ZNF18: variants seen among roughly 807,000 people sequenced by gnomAD.
The protein encoded by ZNF18 is heart development-specific gene 1 protein.
A neutral mutation model predicts 58.1 loss-of-function variants in ZNF18; 42 were observed. That is an observed-to-expected ratio of 0.72 (90% CI 0.56 to 0.93). The LOEUF is 0.93. Among genes scored for constraint, ZNF18 ranks in the 40% least tolerant of loss-of-function variants. ZNF18 has a pLI of 0.00. For missense variants in ZNF18, 540 were observed against 644.2 expected, an observed-to-expected ratio of 0.84 and a Z score of 1.75; for synonymous variants, 231 against 239.8, an observed-to-expected ratio of 0.96 and a Z score of 0.34.
chr17:12,019,772 A>C, the ZNF18 span, among the ~76,000 whole-genome samples: 1 of 152,220 alleles, frequency 6.6e-6, no homozygotes, highest in Non-Finnish European at 1.5e-5. Context: ...CTCAGCATCA[A>C]ATAACATCTG....
In ZNF18 at chr17:11,978,431, C is replaced by T. The variant is rs377135156; in HGVS notation, c.1176G>A (p.Glu392=). The change falls in exon 7 of 7, where the codon GAG becomes GAA. Residue 392 remains glutamate (E), a synonymous_variant. Coordinates refer to ENST00000580306, the MANE Select transcript of ZNF18 (RefSeq NM_001303281.2). Reference sequence around the variant, plus strand: ...CTCTTGGCTGCCCCTTCTGGGAGGTCTCTCTCTTCTCCTCAAGCCACATGG... The same window carrying T: ...CTCTTGGCTGCCCCTTCTGGGAGGTTTCTCTCTTCTCCTCAAGCCACATGG... The part of the protein sequence containing the change: ...MSTMWLEEKR[E]TSQKGQPRAP... 29 of 1,551,886 alleles carry T rather than the reference C, an allele frequency of 1.9e-5. No individual in the cohort carries two copies. In the African/African-American group the frequency reaches 3.4e-4, roughly 18 times the overall value.
In ZNF18 at chr17:11,992,631, AAC is replaced by A. The variant is rs751648990; in HGVS notation, c.197_198del (p.Cys66PhefsTer93). The A allele has an allele frequency of 5.0e-6, 8 of 1,614,254 alleles. No individual in the cohort carries two copies. The South Asian group carries it at 8.8e-5, about 18-fold the overall frequency. On this transcript the variant is annotated frameshift_variant, in exon 2 of 7. Transcript: ENST00000580306. LOFTEE classifies it high-confidence loss of function. ...TGAACCTCTGGCTGTAGCCACTGGAAACAGAGCTTCCGAAGTTGCTTCAAGGT... is the reference window on the plus strand; with the variant it reads ...TGAACCTCTGGCTGTAGCCACTGGAAAGAGCTTCCGAAGTTGCTTCAAGGT... ...HETLKQLRKL[C>X]FQWLQPEVHT... is the part of the protein sequence containing the mutation.
chr17:11,986,574 T>A (rs940693776), intron 4 of ZNF18, among the ~76,000 whole-genome samples: 6 of 152,252 alleles, frequency 3.9e-5, no homozygotes, highest in Non-Finnish European at 7.3e-5. Context: ...TTAATTTAAA[T>A]TTTTTAATTT....
At chr17:12,007,987 A>G in the ZNF18 span, among the ~76,000 whole-genome samples, 3 of 152,154 alleles carry the variant, frequency 2.0e-5, no homozygotes, top group Admixed American at 6.5e-5. Flanking sequence ...AGAGAACGGA[A>G]AGAAAATAAA....
rs1967078040 is a variant in ZNF18 at position 11,977,653 on chromosome 17, A to G, written c.*304T>C. ...CAGCTAATCCCATTAAATGCTTCCC[A>G]GAAAGCACTTCTAAAACTGGATCTC... On this transcript the variant is annotated 3_prime_UTR_variant, in exon 7 of 7. Coordinates refer to ENST00000580306, the MANE Select transcript of ZNF18 (RefSeq NM_001303281.2). 3.6e-6 allele frequency: 1 copy of G among 276,832 alleles called. No individual in the cohort carries two copies. The highest frequency in any genetic ancestry group is 6.8e-6 in the Non-Finnish European group (1 of 147,718). The allele number at this position is 276,832 out of a possible 1,614,324, so 17.1% of individuals were successfully genotyped here. A position where few individuals can be genotyped will look rare whatever the true frequency, so the allele number is the denominator to read the frequency against.
At chr17:12,008,079 G>A in the ZNF18 span, among the ~76,000 whole-genome samples, 1 of 152,208 alleles carries the variant, frequency 6.6e-6, no homozygotes, top group African/African-American at 2.4e-5. Flanking sequence ...GAGATACGAA[G>A]AAGCAGCAGC....
chr17:12,010,736 C>G, the ZNF18 span: 4 of 264,186 alleles, frequency 1.5e-5, no homozygotes, highest in African/African-American at 9.0e-5. Context: ...TTTTTAAACA[C>G]TTACTATGCC....
At chr17:11,983,473 T>G (rs1339462860) in intron 5 of ZNF18, 66 bp from the exon 6 acceptor site, 3 of 1,291,662 alleles carry the variant, frequency 2.3e-6, no homozygotes, top group Non-Finnish European at 3.4e-6. Flanking sequence ...AAGCTGTGTC[T>G]TTCAAAGGAG....
chr17:12,019,642 T>C, the ZNF18 span, among the ~76,000 whole-genome samples: 2 of 152,138 alleles, frequency 1.3e-5, no homozygotes, highest in Non-Finnish European at 1.5e-5. Flanking sequence ...CTCCACTTGA[T>C]GTTTACGGCT....
chr17:11,983,492 G>A (rs764807727), intron 5 of ZNF18, 85 bp from the exon 6 acceptor site: 21 of 1,022,028 alleles, frequency 2.1e-5, no homozygotes, highest in Admixed American at 1.3e-4. Context: ...AGCACCCTAC[G>A]CATGAGGGAA....
chr17:11,978,569 A>G lies in ZNF18; in HGVS notation c.1038T>C (p.Ala346=). The G allele has an allele frequency of 6.2e-7, 1 of 1,613,504 alleles. No homozygotes were observed. Reference sequence around the variant, plus strand: ...TTCCCTCATCCTGAATGTTTTGCAGAGCCTCAGGGAGATTCTCTCCTTCTC... The same window carrying G: ...TTCCCTCATCCTGAATGTTTTGCAGGGCCTCAGGGAGATTCTCTCCTTCTC... ...CFGEGENLPE[A]LQNIQDEGTG... is the part of the protein sequence containing the mutation. The change falls in exon 7 of 7, where the codon GCT becomes GCC. Residue 346 remains alanine (A), a synonymous_variant. Coordinates refer to ENST00000580306, the MANE Select transcript of ZNF18 (RefSeq NM_001303281.2).
the ZNF18 span, among the ~76,000 whole-genome samples, chr17:12,019,717 G>A: frequency 3.2e-4 from 49 of 152,266 alleles, no homozygotes; most frequent in African/African-American, 1.1e-3. Context: ...AAGAAGGCAG[G>A]GCTATTTTGA....
At chr17:12,014,133 A>G in the ZNF18 span, among the ~76,000 whole-genome samples, 1 of 152,260 alleles carries the variant, frequency 6.6e-6, no homozygotes, top group African/African-American at 2.4e-5. Context: ...GAAAAGCCAG[A>G]TAATAACAAG....
At chr17:11,989,103 G>A (rs992471567) in intron 4 of ZNF18, among the ~76,000 whole-genome samples, 1 of 151,378 alleles carries the variant, frequency 6.6e-6, no homozygotes, top group South Asian at 2.1e-4. Flanking sequence ...AGGTTGTAGT[G>A]AGCTGAGATC....
Position 11,992,459 on chromosome 17 carries a change from TG to T in ZNF18, c.370del (p.Gln124ArgfsTer12), listed in dbSNP as rs1312522260. The T allele has an allele frequency of 6.2e-7, 1 of 1,614,040 alleles. No homozygotes were observed. Among genetic ancestry groups the T allele is most frequent in the Non-Finnish European group, 8.5e-7 (1 of 1,179,932 alleles). ...TLVESLKGDP[Q>X]RLWQWISIQV... is the part of the protein sequence containing the mutation. ...TCTGCTTACCCATTGCCACAGTCTC[TG>T]GGGGTCCCCCTTCAAGCTTTCCACA... On this transcript the variant is annotated frameshift_variant, in exon 2 of 7. Coordinates refer to ENST00000580306, the MANE Select transcript of ZNF18 (RefSeq NM_001303281.2). LOFTEE classifies it high-confidence loss of function.
Position 11,992,890 on chromosome 17 carries a change from G to C in ZNF18, c.-61C>G. On this transcript the variant is annotated 5_prime_UTR_variant, in exon 2 of 7. Coordinates refer to ENST00000580306, the MANE Select transcript of ZNF18 (RefSeq NM_001303281.2). ...TCTGCAGTGGAATTGTCTCCGGCAA[G>C]AACTAGGTCTTCACCAGGACACTAA... 6.5e-7 allele frequency: 1 copy of C among 1,542,036 alleles called. No individual in the cohort carries two copies. Among genetic ancestry groups the C allele is most frequent in the Non-Finnish European group, 8.7e-7 (1 of 1,147,468 alleles).
chr17:11,997,977 G>C (rs1331268149), upstream of ZNF18, among the ~76,000 whole-genome samples: 1 of 152,004 alleles, frequency 6.6e-6, no homozygotes, highest in East Asian at 1.9e-4. Flanking sequence ...CATCCCCTGG[G>C]TCCTCTCCCA....
intron 6 of ZNF18, among the ~76,000 whole-genome samples, chr17:11,979,359 GTAA>G (rs1355877712): frequency 6.6e-6 from 1 of 152,174 alleles, no homozygotes; most frequent in African/African-American, 2.4e-5. Flanking sequence ...ATTAATCAAT[GTAA>G]TATAGAGTCT....
At chr17:11,981,735 CTTCCA>C (rs1967373078) in intron 6 of ZNF18, among the ~76,000 whole-genome samples, 1 of 151,988 alleles carries the variant, frequency 6.6e-6, no homozygotes, top group Non-Finnish European at 1.5e-5. Flanking sequence ...ATCTCTGCAG[CTTCCA>C]TTCAATTCTA....
Sources: allele counts gnomAD v4.1 joint callset (sites outside exome capture counted in the v4.1 genomes callset), GRCh38; gene constraint gnomAD v4.1.1; transcripts MANE v1.5; gene names NCBI Gene and HGNC (gene_info 2026-07-23, HGNC 2026-07-21).